TMC3: variants seen among roughly 807,000 people sequenced by gnomAD.
The protein encoded by TMC3 is transmembrane channel-like protein 3.
Under a neutral mutation model 110.6 loss-of-function variants are expected in TMC3, and 98 were observed. The observed-to-expected ratio is 0.89, with a 90% CI of 0.75 to 1.05. The LOEUF is 1.05. Ranked by LOEUF, TMC3 falls within the 50% of genes least tolerant of loss-of-function variation. The pLI is 0.00. For missense variants in TMC3, 1,319 were observed against 1,373.2 expected (o/e 0.96, Z 0.62); for synonymous variants, 489 against 513.1 (o/e 0.95, Z 0.63).
intron 9 of TMC3, among the ~76,000 whole-genome samples, chr15:81,355,387 T>C (rs560404497): frequency 5.3e-5 from 8 of 152,314 alleles, no homozygotes; most frequent in Non-Finnish European, 1.2e-4. Flanking sequence ...TGGATAATAT[T>C]TGTGTCTTAT....
At chr15:81,359,588 A>G (rs967285664) in intron 4 of TMC3, 117 bp from the exon 5 acceptor site, 1 of 649,396 alleles carries the variant, frequency 1.5e-6, no homozygotes, top group African/African-American at 1.9e-5. Flanking sequence ...TAAGAATGCC[A>G]TTATTGTACC....
intron 20 of TMC3, 105 bp from the exon 21 acceptor site, chr15:81,335,080 G>A (rs541277707): frequency 5.9e-5 from 76 of 1,278,740 alleles, no homozygotes; most frequent in Admixed American, 2.3e-4. Context: ...GAGTTGGTCC[G>A]CAAACAATTG....
intron 2 of TMC3, 40 bp from the exon 3 acceptor site, chr15:81,368,368 A>G (rs1252793883): frequency 6.6e-7 from 1 of 1,516,568 alleles, no homozygotes; most frequent in Non-Finnish European, 9.2e-7. Context: ...CAATTGTATC[A>G]CACTTACAAT....
chr15:81,348,571 C>G lies in TMC3; in HGVS notation c.1193+887G>C, dbSNP rs115509612. Reference sequence around the variant, plus strand: ...TGCATCAGCCTACTGTTGCTCAGGTCTTCCTCAACCACCTGCTGTCACAGC... The same window carrying G: ...TGCATCAGCCTACTGTTGCTCAGGTGTTCCTCAACCACCTGCTGTCACAGC... On this transcript the variant is annotated intron_variant, in intron 11 of 21. Transcript: ENST00000359440. 5.8e-3 allele frequency among the ~76,000 whole-genome samples: 883 copies of G among 152,324 alleles called. 6 individuals are homozygous for G. Among genetic ancestry groups the G allele is most frequent in the African/African-American group, 0.016 (675 of 41,574 alleles).
chr15:81,360,158 TG>T (rs1198536162), intron 4 of TMC3, among the ~76,000 whole-genome samples: 1 of 152,054 alleles, frequency 6.6e-6, no homozygotes, highest in African/African-American at 2.4e-5. Context: ...TTTGTCATAA[TG>T]AGTAGCAAAA....
At chr15:81,362,746 T>C (rs1165940492) in intron 3 of TMC3, among the ~76,000 whole-genome samples, 1 of 152,136 alleles carries the variant, frequency 6.6e-6, no homozygotes, top group Non-Finnish European at 1.5e-5. Flanking sequence ...TCTAAATAAA[T>C]CCACTTGATC....
Position 81,346,450 on chromosome 15 carries a change from G to T in TMC3, c.1194-7C>A. On this transcript the variant is annotated splice_polypyrimidine_tract_variant and splice_region_variant and intron_variant, in intron 11 of 21. Coordinates refer to ENST00000359440, the MANE Select transcript of TMC3 (RefSeq NM_001080532.3). ...CAAATACAGCACAAGGACCCTGAAAGCCACAAGCCCACCTTGAGAAACAAG... is the reference window on the plus strand; with the variant it reads ...CAAATACAGCACAAGGACCCTGAAATCCACAAGCCCACCTTGAGAAACAAG... 1.9e-6 allele frequency: 3 copies of T among 1,612,812 alleles called. No individual in the cohort carries two copies. Among genetic ancestry groups the T allele is most frequent in the Non-Finnish European group, 2.5e-6 (3 of 1,179,370 alleles).
chr15:81,333,423 G>C (rs1893520334), intron 21 of TMC3, among the ~76,000 whole-genome samples, 161 bp from the exon 22 acceptor site: 1 of 152,152 alleles, frequency 6.6e-6, no homozygotes, highest in Non-Finnish European at 1.5e-5. Flanking sequence ...TGGGGGACAG[G>C]GCTAAACAGT....
At position 81,372,600 on chromosome 15, in the gene TMC3, C is replaced by G; in HGVS notation, c.227G>C (p.Arg76Thr). The change falls in exon 2 of 22, where the codon AGG becomes ACG. Residue 76 changes from arginine (R) to threonine (T), a missense_variant. Transcript: ENST00000359440. Reference sequence around the variant, plus strand: ...CCATTGAGGCCCTTACCTCAATGCCCTCAGCTTCTGTCCCATAGTCCAGGG... The same window carrying G: ...CCATTGAGGCCCTTACCTCAATGCCGTCAGCTTCTGTCCCATAGTCCAGGG... The part of the protein sequence containing the change: ...CRPWTMGQKL[R>T]ALRQAKNIVL... 1 of 1,613,488 alleles carries G rather than the reference C, an allele frequency of 6.2e-7. No homozygotes were observed. Among genetic ancestry groups the G allele is most frequent in the African/African-American group, 1.3e-5 (1 of 75,018 alleles).
At chr15:81,366,708 C>T (rs192278420) in intron 3 of TMC3, among the ~76,000 whole-genome samples, 179 of 152,228 alleles carry the variant, frequency 1.2e-3, no homozygotes, top group African/African-American at 4.2e-3. Context: ...AATAAGGAGT[C>T]ATGGATGATT....
chr15:81,340,034 T>C (rs1304197297), intron 16 of TMC3, among the ~76,000 whole-genome samples: 1 of 152,228 alleles, frequency 6.6e-6, no homozygotes, highest in African/African-American at 2.4e-5. Flanking sequence ...TTCTACCTGA[T>C]TAAGCCCCGG....
At chr15:81,355,452 C>A (rs1025604741) in intron 9 of TMC3, among the ~76,000 whole-genome samples, 2 of 152,136 alleles carry the variant, frequency 1.3e-5, no homozygotes, top group African/African-American at 4.8e-5. Context: ...CTCAAAATAC[C>A]TCTTTTATTA....
At position 81,333,174 on chromosome 15, in the gene TMC3, C is replaced by T; in HGVS notation, c.2548G>A (p.Val850Ile). ...TTTCGGAAAAGAGGTTCTGAGTGTA[C>T]ATCTTCGATGTGCGTTGTAAATGTC... ...PMTFTTHIED[V>I]HSEPLFRKDF... The change falls in exon 22 of 22, where the codon GTA becomes ATA. Residue 850 changes from valine to isoleucine, a missense_variant. By Grantham distance (29) the Val-to-Ile change is conservative. Coordinates refer to ENST00000359440, the MANE Select transcript of TMC3 (RefSeq NM_001080532.3). The T allele has an allele frequency of 6.2e-7, 1 of 1,614,008 alleles. No homozygotes were observed. The highest frequency in any genetic ancestry group is 8.5e-7 in the Non-Finnish European group (1 of 1,179,898).
At chr15:81,336,714 T>C in intron 19 of TMC3, 63 bp from the exon 20 acceptor site, 1 of 1,532,446 alleles carries the variant, frequency 6.5e-7, no homozygotes, top group South Asian at 1.1e-5. Context: ...CAAATATTAT[T>C]CCTGGGGGAA....
rs775537557 is a variant in TMC3 at position 81,343,943 on chromosome 15, A to G, written c.1621T>C (p.Trp541Arg). 5.6e-6 allele frequency: 9 copies of G among 1,612,974 alleles called. No individual in the cohort carries two copies. The highest frequency in any genetic ancestry group is 7.6e-6 in the Non-Finnish European group (9 of 1,179,276). The change falls in exon 14 of 22, where the codon TGG becomes CGG. Residue 541 changes from tryptophan to arginine, a missense_variant. Coordinates refer to ENST00000359440, the MANE Select transcript of TMC3 (RefSeq NM_001080532.3). ...GLFVRYLSDY[W>R]CWDLESKFPE... ...AACTTGCTCTCCAGATCCCAACACC[A>G]GTAGTCACTTAAGTACCGCACGAAA...
intron 15 of TMC3, 96 bp from the exon 16 acceptor site, chr15:81,341,614 T>C: frequency 1.5e-6 from 2 of 1,379,222 alleles, no homozygotes; most frequent in East Asian, 2.5e-5. Flanking sequence ...TCTGACACTT[T>C]GGGGATTATA....
At chr15:81,337,818 A>T (rs1893629917) in intron 19 of TMC3, 28 bp downstream of exon 19, 2 of 1,591,642 alleles carry the variant, frequency 1.3e-6, no homozygotes, top group South Asian at 1.1e-5. Flanking sequence ...ACACATATTC[A>T]TAATAGCAAA....
In TMC3 at chr15:81,374,205, A is replaced by C; in HGVS notation, c.-128T>G. On this transcript the variant is annotated 5_prime_UTR_variant, in exon 1 of 22. Transcript: ENST00000359440. ...CTCTGCCCGCTAGTTCTCAGGAAGA[A>C]GACTGTGTGCTTGCAGCTGGTGCTC... 1.3e-6 allele frequency: 1 copy of C among 752,666 alleles called. No individual in the cohort carries two copies. Among genetic ancestry groups the C allele is most frequent in the Non-Finnish European group, 2.3e-6 (1 of 441,448 alleles). The allele number at this position is 752,666 out of a possible 1,614,324, so 46.6% of individuals were successfully genotyped here. A position where few individuals can be genotyped will look rare whatever the true frequency, so the allele number is the denominator to read the frequency against.
Position 81,344,036 on chromosome 15 carries a change from T to A in TMC3, c.1528A>T (p.Lys510Ter). 6.2e-7 allele frequency: 1 copy of A among 1,609,656 alleles called. No individual in the cohort carries two copies. Among genetic ancestry groups the A allele is most frequent in the Non-Finnish European group, 8.5e-7 (1 of 1,178,580 alleles). The change falls in exon 14 of 22, where the codon AAG (lysine) becomes TAG (stop). Residue 510 changes from lysine (K) to a stop codon, truncating the protein, a stop_gained. Coordinates refer to ENST00000359440, the MANE Select transcript of TMC3 (RefSeq NM_001080532.3). LOFTEE classifies it high-confidence loss of function. ...WETYVGQEML[K>*]LSIIDMLFTV... is the part of the protein sequence containing the mutation. ...AAGAGCATGTCAATGATGGAGAGCT[T>A]CAGCATCTCCTGAAACACAGGGCGT... is the stretch of plus-strand genomic sequence containing the variant.
Sources: allele counts gnomAD v4.1 joint callset (sites outside exome capture counted in the v4.1 genomes callset), GRCh38; gene constraint gnomAD v4.1.1; transcripts MANE v1.5; gene names NCBI Gene and HGNC (gene_info 2026-07-23, HGNC 2026-07-21).